The following WDR35 variants were observed in gnomAD, a reference collection of about 807,000 sequenced individuals.
WDR35 encodes WD repeat-containing protein 35.
WDR35 carries 118 observed loss-of-function variants against 158.3 expected under a neutral mutation model. The ratio of observed to expected loss-of-function variants is 0.75; its 90% CI spans 0.64 to 0.87. WDR35 has a LOEUF of 0.87. Ranked by LOEUF, WDR35 falls within the 40% of genes least tolerant of loss-of-function variation. The pLI is 0.00. For synonymous variants in WDR35, 448 were observed against 476.1 expected, an observed-to-expected ratio of 0.94 and a Z score of 0.77; for missense variants, 1,263 against 1,405.8, an observed-to-expected ratio of 0.90 and a Z score of 1.62.
At chr2:19,932,999 A>G (rs559998424) in intron 22 of WDR35, among the ~76,000 whole-genome samples, 2 of 152,350 alleles carry the variant, frequency 1.3e-5, no homozygotes, top group South Asian at 4.1e-4. Context: ...TGCCAAAATA[A>G]ATATTGATAA....
chr2:19,971,336 G>A (rs1278414937), intron 8 of WDR35, among the ~76,000 whole-genome samples: 1 of 152,174 alleles, frequency 6.6e-6, no homozygotes, highest in East Asian at 1.9e-4. Context: ...AGACCTTTAA[G>A]CAGTGATCAG....
intron 12 of WDR35, 68 bp from the exon 13 acceptor site, chr2:19,951,552 T>C: frequency 8.0e-7 from 1 of 1,256,610 alleles, no homozygotes; most frequent in Non-Finnish European, 1.1e-6. Context: ...ATCTCTAGAA[T>C]AAACGATTGG....
Position 19,934,024 on chromosome 2 carries a change from A to AACCACCACCACCATCACCACCACCACC in WDR35, c.2548-514_2548-513insGGTGGTGGTGGTGATGGTGGTGGTGGT, listed in dbSNP as rs1670610083. Among the ~76,000 whole-genome samples, 10 of 105,072 alleles carry AACCACCACCACCATCACCACCACCACC rather than the reference A, an allele frequency of 9.5e-5. No individual in the cohort carries two copies. The highest frequency in any genetic ancestry group is 3.7e-4 in the African/African-American group (9 of 24,134). 68.9% of individuals were successfully genotyped at this position (105,072 alleles called of 152,430 possible). A position where few individuals can be genotyped will look rare whatever the true frequency, so the allele number is the denominator to read the frequency against. ...TTGGAAAGTGGTGGCAGCGAGGAAG[A>AACCACCACCACCATCACCACCACCACC]ACCACCACCACCACCACCACCACCA... On this transcript the variant is annotated intron_variant, in intron 21 of 26. Coordinates refer to ENST00000281405, the MANE Select transcript of WDR35 (RefSeq NM_020779.4). This position sits in a 1 kb window ranked among gnomAD's most constrained non-coding sequence, Gnocchi z 4.6.
At position 19,932,349 on chromosome 2, in the gene WDR35, AGT is replaced by A. The variant is rs1460481375; in HGVS notation, c.2755_2756del (p.Thr919SerfsTer2). 6.2e-7 allele frequency: 1 copy of A among 1,613,226 alleles called. No homozygotes were observed. Among genetic ancestry groups the A allele is most frequent in the Non-Finnish European group, 8.5e-7 (1 of 1,179,570 alleles). ...TCCGATAGAGTTCTATGGCATCAAG[AGT>A]TTTATTCTTTTCCAGTAAATGAGAT... Reference protein sequence around the residue: ...YASHLLEKNKTLDAIELYRKA... With the variant: ...YASHLLEKNKXLDAIELYRKA... On this transcript the variant is annotated frameshift_variant, in exon 23 of 27. Transcript: ENST00000281405. LOFTEE classifies it high-confidence loss of function.
chr2:19,975,714 CG>C, intron 5 of WDR35, 51 bp from the exon 6 acceptor site: 2 of 1,612,154 alleles, frequency 1.2e-6, no homozygotes, highest in Middle Eastern at 1.7e-4. Flanking sequence ...CCTCCAACAA[CG>C]GCTTTCGAAA....
At chr2:19,965,926 A>G (rs1316959180) in intron 10 of WDR35, among the ~76,000 whole-genome samples, 1 of 152,166 alleles carries the variant, frequency 6.6e-6, no homozygotes, top group Non-Finnish European at 1.5e-5. Flanking sequence ...TTCTCCCTGA[A>G]TGGCTTATGA....
chr2:19,912,520 G>A lies in WDR35; in HGVS notation c.*1038C>T, dbSNP rs145549829. The A allele has an allele frequency of 1.3e-5, 2 of 152,208 alleles. No homozygotes were observed. The highest frequency in any genetic ancestry group is 2.9e-5 in the Non-Finnish European group (2 of 68,044). The allele number at this position is 152,208 out of a possible 1,614,324, so 9.4% of individuals were successfully genotyped here. On this transcript the variant is annotated 3_prime_UTR_variant, in exon 27 of 27. Transcript: ENST00000281405. ...ACAAGACAAAAACATATGAGATTGA[G>A]AAAGTGTATTGTAGCTGCAAAAACA...
At chr2:19,963,064 A>C (rs569033862) in intron 10 of WDR35, among the ~76,000 whole-genome samples, 3 of 152,262 alleles carry the variant, frequency 2.0e-5, no homozygotes, top group Non-Finnish European at 4.4e-5. Flanking sequence ...ATTTCAATTT[A>C]GTCCATTAGC....
At chr2:19,960,138 G>A (rs1010333165) in intron 11 of WDR35, among the ~76,000 whole-genome samples, 2 of 152,062 alleles carry the variant, frequency 1.3e-5, no homozygotes, top group Non-Finnish European at 2.9e-5. Flanking sequence ...TTATGGAAGA[G>A]AGGTATTTAC....
chr2:19,973,135 A>G (rs1403934162), intron 8 of WDR35, among the ~76,000 whole-genome samples: 8 of 152,164 alleles, frequency 5.3e-5, no homozygotes, highest in Admixed American at 5.2e-4. Context: ...AAGTATTAGA[A>G]GTTTGAAGGA....
At chr2:19,924,582 C>A (rs1393881031) in intron 25 of WDR35, among the ~76,000 whole-genome samples, 2 of 152,128 alleles carry the variant, frequency 1.3e-5, no homozygotes, top group Non-Finnish European at 2.9e-5. Context: ...AAGGTGATTG[C>A]AGATTTGGCT....
At chr2:19,962,225 G>T in intron 10 of WDR35, 1 of 1,541,692 alleles carries the variant, frequency 6.5e-7, no homozygotes, top group Non-Finnish European at 8.9e-7. Context: ...TACAGTTTCT[G>T]ATCAGCTATA....
chr2:19,918,826 TAGAC>T (rs1670069721), intron 25 of WDR35, among the ~76,000 whole-genome samples: 1 of 152,092 alleles, frequency 6.6e-6, no homozygotes, highest in Non-Finnish European at 1.5e-5. Context: ...TTGTCAATAT[TAGAC>T]AGATCAACAA....
intron 5 of WDR35, 32 bp downstream of exon 5, chr2:19,978,719 G>T: frequency 1.2e-6 from 2 of 1,613,004 alleles, no homozygotes; most frequent in South Asian, 2.2e-5. Flanking sequence ...GCCAGATATT[G>T]ATCTTAGTTC....
At chr2:19,984,943 G>A (rs1672506093) in intron 2 of WDR35, among the ~76,000 whole-genome samples, 1 of 152,160 alleles carries the variant, frequency 6.6e-6, no homozygotes, top group Admixed American at 6.5e-5. Context: ...AGATTCTCTG[G>A]CAGGATCATC....
At chr2:19,976,317 C>T (rs1572363529) in intron 5 of WDR35, among the ~76,000 whole-genome samples, 1 of 152,254 alleles carries the variant, frequency 6.6e-6, no homozygotes, top group East Asian at 1.9e-4. Context: ...CCCAACCAAA[C>T]TTCATGAAAG....
At position 19,990,089 on chromosome 2, in the gene WDR35, A is replaced by T. The variant is rs1189620727; in HGVS notation, c.-74T>A. ...TAACGGTTCTACGTCTCCAATCGGGAGTACCAGCAGCTCCGGAAAGCTCCC... is the reference window on the plus strand; with the variant it reads ...TAACGGTTCTACGTCTCCAATCGGGTGTACCAGCAGCTCCGGAAAGCTCCC... On this transcript the variant is annotated 5_prime_UTR_variant, in exon 1 of 27. Transcript: ENST00000281405. 1.3e-6 allele frequency: 2 copies of T among 1,588,238 alleles called. No individual in the cohort carries two copies. Among genetic ancestry groups the T allele is most frequent in the Non-Finnish European group, 8.6e-7 (1 of 1,165,400 alleles).
chr2:19,912,381 C>A lies in WDR35; in HGVS notation c.*1177G>T, dbSNP rs1669865464. ...AGACCTCAAAGACTTCTGGTCTTCT[C>A]TTTTTATTTAGGCCAATGAGCCCAC... On this transcript the variant is annotated 3_prime_UTR_variant, in exon 27 of 27. Coordinates refer to ENST00000281405, the MANE Select transcript of WDR35 (RefSeq NM_020779.4). The A allele has an allele frequency of 6.6e-6, 1 of 152,180 alleles. No homozygotes were observed. The highest frequency in any genetic ancestry group is 2.1e-4 in the South Asian group (1 of 4,828). 9.4% of individuals were successfully genotyped at this position (152,180 alleles called of 1,614,324 possible). A position where few individuals can be genotyped will look rare whatever the true frequency, so the allele number is the denominator to read the frequency against.
rs1469247794 is a variant in WDR35 at position 19,934,264 on chromosome 2, T to C, written c.2548-753A>G. Among the ~76,000 whole-genome samples the C allele has an allele frequency of 2.0e-5, 3 of 152,194 alleles. No homozygotes were observed. The highest frequency in any genetic ancestry group is 4.4e-5 in the Non-Finnish European group (3 of 68,046). ...ATTTTTCTGATTATAAGGGAATACA[T>C]TCTATCTGTAAAAAAAATTACAAAA... On this transcript the variant is annotated intron_variant, in intron 21 of 26. Coordinates refer to ENST00000281405, the MANE Select transcript of WDR35 (RefSeq NM_020779.4). The surrounding 1 kb of genome is among the most constrained non-coding windows in gnomAD (Gnocchi z 4.6).
Sources: gnomAD v4.1 joint callset for allele counts (sites outside exome capture counted in the v4.1 genomes callset) on GRCh38, gnomAD v4.1.1 for gene constraint, Gnocchi (gnomAD v3.1) non-coding constraint, MANE v1.5 for transcripts, NCBI Gene and HGNC (gene_info 2026-07-23, HGNC 2026-07-21) for gene names.